Variants in AXIN2 observed in about 807,000 individuals in gnomAD.
The protein encoded by AXIN2 is axin-2.
A neutral mutation model predicts 74.7 loss-of-function variants in AXIN2; 21 were observed. The ratio of observed to expected loss-of-function variants is 0.28; its 90% CI spans 0.20 to 0.40. The LOEUF is 0.40. AXIN2 is among the 10% of genes least tolerant of loss of function. The pLI, the probability that AXIN2 is intolerant of heterozygous loss-of-function variation, is 1.00. For missense variants in AXIN2, 1,144 were observed against 1,111.1 expected (o/e 1.03, Z -0.42); for synonymous variants, 532 against 454.9 (o/e 1.17, Z -2.16).
chr17:65,538,314 G>T lies in AXIN2; in HGVS notation c.1089C>A (p.Thr363=), dbSNP rs748698260. The T allele has an allele frequency of 1.2e-6, 2 of 1,614,214 alleles. No individual in the cohort carries two copies. Among genetic ancestry groups the T allele is most frequent in the Non-Finnish European group, 1.7e-6 (2 of 1,180,052 alleles). ...CTGCAAAGGTGGCGGGTTCCACGGG[G>T]GTCATCTCCTTGGGCAGGCGGTGGG... The part of the protein sequence containing the change: ...PRTHRLPKEM[T]PVEPATFAAE... The change falls in exon 5 of 11, where the codon ACC becomes ACA. Residue 363 remains threonine (T), a synonymous_variant. Transcript: ENST00000307078.
At chr17:65,533,845 C>T (rs1028043727) in intron 10 of AXIN2, 67 bp downstream of exon 10, 8 of 1,208,172 alleles carry the variant, frequency 6.6e-6, no homozygotes, top group Non-Finnish European at 9.1e-6. Context: ...AGGGGAGCTG[C>T]TCCAGGCTCT....
intron 2 of AXIN2, among the ~76,000 whole-genome samples, chr17:65,552,920 C>T (rs918821486): frequency 2.6e-5 from 4 of 151,934 alleles, no homozygotes; most frequent in African/African-American, 7.3e-5. Context: ...CCCAGCTACT[C>T]GGGAGGCTGA....
chr17:65,553,847 CGGG>C lies in AXIN2; in HGVS notation c.815+3956_815+3958del, dbSNP rs796606885. Among the ~76,000 whole-genome samples, 12 of 78,346 alleles carry C rather than the reference CGGG, an allele frequency of 1.5e-4. 1 individual carries two copies. The highest frequency in any genetic ancestry group is 8.5e-4 in the East Asian group (2 of 2,358). 51.4% of individuals were successfully genotyped at this position (78,346 alleles called of 152,430 possible). Reference sequence around the variant, plus strand: ...TCTTGTGATTACTTAAAAAAAAAGGCGGGGGGGGGGGGAGGAAACTCAAACCAC... The same window carrying C: ...TCTTGTGATTACTTAAAAAAAAAGGCGGGGGGGGGAGGAAACTCAAACCAC... On this transcript the variant is annotated intron_variant, in intron 2 of 10. Coordinates refer to ENST00000307078, the MANE Select transcript of AXIN2 (RefSeq NM_004655.4).
At position 65,558,473 on chromosome 17, in the gene AXIN2, G is replaced by A. The variant is rs2240308; in HGVS notation, c.148C>T (p.Pro50Ser). The change falls in exon 2 of 11, where the codon CCT becomes TCT. Residue 50 changes from proline (P) to serine (S), a missense_variant. Around this residue, in one of 4 missense-constraint regions of AXIN2, gnomAD observed 1,053 missense variants for 973.5 expected, o/e 1.08. Coordinates refer to ENST00000307078, the MANE Select transcript of AXIN2 (RefSeq NM_004655.4). Reference protein sequence around the residue: ...VGKGQVTKPMPVSSNTRRNED... With the variant: ...VGKGQVTKPMSVSSNTRRNED... ...TTCCGCCTGGTGTTGGAAGAGACAGGCATGGGTTTGGTGACCTGGCCCTTG... is the reference window on the plus strand; with the variant it reads ...TTCCGCCTGGTGTTGGAAGAGACAGACATGGGTTTGGTGACCTGGCCCTTG... 0.49 allele frequency: 789,870 copies of A among 1,605,836 alleles called. 201,815 individuals carry two copies. The highest frequency in any genetic ancestry group is 0.52 in the Non-Finnish European group (615,289 of 1,174,606).
At chr17:65,547,345 C>G (rs1469277750) in intron 3 of AXIN2, among the ~76,000 whole-genome samples, 1 of 152,192 alleles carries the variant, frequency 6.6e-6, no homozygotes, top group African/African-American at 2.4e-5. Flanking sequence ...AACGCTCATG[C>G]CTGGGGGAAG....
rs768352721 is a variant in AXIN2, at chr17:65,534,059, A to C, written c.2258T>G (p.Leu753Arg). 1.9e-6 allele frequency: 3 copies of C among 1,614,248 alleles called. No individual in the cohort carries two copies. In the Admixed American group the frequency reaches 5.0e-5, roughly 27 times the overall value. Residue 753 changes from leucine to arginine, a missense_variant, in exon 10 of 11, where the codon CTG (leucine) becomes CGG (arginine). Physicochemically the swap from Leu to Arg is moderately radical, Grantham distance 102. Transcript: ENST00000307078. ...GGCCTGGAGCGCGTGGACACCTGCC[A>C]GTTTCTTTGGCTCTTTGTGACTGAA... Reference protein sequence around the residue: ...APEDHKEPKKLAGVHALQASE... With the variant: ...APEDHKEPKKRAGVHALQASE...
Position 65,529,900 on chromosome 17 carries a change from G to T in AXIN2, c.*76C>A. 2 of 1,603,750 alleles carry T rather than the reference G, an allele frequency of 1.2e-6. No homozygotes were observed. On this transcript the variant is annotated 3_prime_UTR_variant, in exon 11 of 11. Transcript: ENST00000307078. Reference sequence around the variant, plus strand: ...GTTTAATTTTCCTTCAAAATGTTTTGTCGCAGTTGCTCACAGCCAAGACAG... The same window carrying T: ...GTTTAATTTTCCTTCAAAATGTTTTTTCGCAGTTGCTCACAGCCAAGACAG...
rs1227736566 is a variant in AXIN2 at position 65,537,408 on chromosome 17, CAGA to C, written c.1625_1627del (p.Phe542del). On this transcript the variant is annotated inframe_deletion, in exon 6 of 11. Transcript: ENST00000307078. ...GCAGTAATACTCGCTGCCCCCAGGG[CAGA>C]AGCAGTGCACCCGCTGCGTGGCCTC... The C allele has an allele frequency of 6.2e-7, 1 of 1,613,952 alleles. No individual in the cohort carries two copies. Among genetic ancestry groups the C allele is most frequent in the Non-Finnish European group, 8.5e-7 (1 of 1,180,034 alleles).
intron 3 of AXIN2, among the ~76,000 whole-genome samples, chr17:65,545,515 C>G (rs2044106070): frequency 6.6e-6 from 1 of 152,094 alleles, no homozygotes; most frequent in Admixed American, 6.6e-5. Context: ...TGGTGAAGCC[C>G]CGTCTCAACT....
chr17:65,551,094 C>T (rs1415976111), intron 2 of AXIN2, among the ~76,000 whole-genome samples: 1 of 152,134 alleles, frequency 6.6e-6, no homozygotes, highest in Non-Finnish European at 1.5e-5. Flanking sequence ...TCCAAGTTCT[C>T]ACAGAATAAA....
In AXIN2 at chr17:65,544,269, T is replaced by TAA. The variant is rs1282218712; in HGVS notation, c.957-2714_957-2713dup. 2.4e-4 allele frequency among the ~76,000 whole-genome samples: 34 copies of TAA among 142,374 alleles called. No homozygotes were observed. In the South Asian group the frequency reaches 6.3e-3, roughly 27 times the overall value. The allele number at this position is 142,374 out of a possible 152,430, so 93.4% of individuals were successfully genotyped here. On this transcript the variant is annotated intron_variant, in intron 3 of 10. Transcript: ENST00000307078. ...TTTTTCTTCTTCCATATAATAAGGTTAAAAAAAAAAAACAGGATGGGGGTA... is the reference window on the plus strand; with the variant it reads ...TTTTTCTTCTTCCATATAATAAGGTTAAAAAAAAAAAAAACAGGATGGGGGTA...
At chr17:65,547,538 A>G (rs771120751) in intron 3 of AXIN2, among the ~76,000 whole-genome samples, 5 of 152,340 alleles carry the variant, frequency 3.3e-5, no homozygotes, top group Middle Eastern at 3.4e-3. Flanking sequence ...ACTACACCCA[A>G]GTTATCTCAT....
chr17:65,545,824 G>A (rs1364565928), intron 3 of AXIN2, among the ~76,000 whole-genome samples: 2 of 152,092 alleles, frequency 1.3e-5, no homozygotes, highest in East Asian at 3.9e-4. Context: ...TTTCTTTAAA[G>A]CCCCTGCCTG....
intron 3 of AXIN2, among the ~76,000 whole-genome samples, chr17:65,543,584 C>T (rs1216886260): frequency 6.6e-6 from 1 of 152,176 alleles, no homozygotes. Flanking sequence ...TGCTCAATAG[C>T]TCACCTAGTG....
At chr17:65,552,093 G>A (rs1184267567) in intron 2 of AXIN2, among the ~76,000 whole-genome samples, 2 of 150,328 alleles carry the variant, frequency 1.3e-5, no homozygotes, top group Non-Finnish European at 3.0e-5. Context: ...CCTTCCTCCT[G>A]GTCCATGTGT....
chr17:65,555,266 C>A (rs4790930), intron 2 of AXIN2, among the ~76,000 whole-genome samples: 99,675 of 152,074 alleles, frequency 0.66, 34,482 homozygotes, highest in Non-Finnish European at 0.78. Flanking sequence ...CGTTTCTGTT[C>A]CATTCATTTT....
At position 65,541,502 on chromosome 17, in the gene AXIN2, G is replaced by C. The variant is rs748459029; in HGVS notation, c.1012C>G (p.His338Asp). The C allele has an allele frequency of 6.2e-7, 1 of 1,614,176 alleles. No individual in the cohort carries two copies. The highest frequency in any genetic ancestry group is 2.2e-5 in the East Asian group (1 of 44,878). ...GSKKQLQREM[H>D]RSVKANGQVS... ...TGGCCATTGGCCTTCACACTGCGAT[G>C]CATTTCTCTCTGGAGCTGTTTCTTA... The change falls in exon 4 of 11, where the codon CAT (histidine) becomes GAT (aspartate). Residue 338 changes from histidine to aspartate, a missense_variant. Coordinates refer to ENST00000307078, the MANE Select transcript of AXIN2 (RefSeq NM_004655.4).
intron 1 of AXIN2, 119 bp from the exon 2 acceptor site, chr17:65,558,855 A>T: frequency 1.7e-6 from 1 of 578,170 alleles, no homozygotes; most frequent in Non-Finnish European, 3.1e-6. Context: ...CCTCAAATTC[A>T]AATCAAGCAA....
At position 65,557,801 on chromosome 17, in the gene AXIN2, C is replaced by T. The variant is rs1057520237; in HGVS notation, c.815+5G>A. ...TCAGCCCACCCGCCCCCGTCAAAGT[C>T]TTACCTGTATCCACTGTCAACAGTT... is the stretch of plus-strand genomic sequence containing the variant. On this transcript the variant is annotated splice_donor_5th_base_variant and intron_variant, in intron 2 of 10. Coordinates refer to ENST00000307078, the MANE Select transcript of AXIN2 (RefSeq NM_004655.4). 1.9e-6 allele frequency: 3 copies of T among 1,614,190 alleles called. No homozygotes were observed. Among genetic ancestry groups the T allele is most frequent in the Non-Finnish European group, 1.7e-6 (2 of 1,180,012 alleles).
Sources: gnomAD v4.1 joint callset for allele counts (sites outside exome capture counted in the v4.1 genomes callset) on GRCh38, gnomAD v4.1.1 for gene constraint, gnomAD v4.1.1 regional missense constraint, MANE v1.5 for transcripts, NCBI Gene and HGNC (gene_info 2026-07-23, HGNC 2026-07-21) for gene names.